Variants in NKAIN4 observed in about 807,000 individuals in gnomAD.
NKAIN4 encodes the protein sodium/potassium-transporting ATPase subunit beta-1-interacting protein 4.
NKAIN4 carries 28 observed loss-of-function variants against 28.8 expected under a neutral mutation model. The ratio of observed to expected loss-of-function variants is 0.97; its 90% CI spans 0.72 to 1.33. NKAIN4 has a LOEUF of 1.33. Ranked by LOEUF, NKAIN4 falls within the 40% of genes most tolerant of loss-of-function variation. The pLI, the probability that NKAIN4 is intolerant of heterozygous loss-of-function variation, is 0.00. For synonymous variants in NKAIN4, 122 were observed against 115.6 expected (o/e 1.06, Z -0.36); for missense variants, 289 against 277.2 (o/e 1.04, Z -0.30).
intron 1 of NKAIN4, among the ~76,000 whole-genome samples, chr20:63,250,916 C>T (rs1453340927): frequency 6.7e-6 from 1 of 149,616 alleles, no homozygotes; most frequent in Non-Finnish European, 1.5e-5. Flanking sequence ...CCCTATCCCC[C>T]ACCCCAGCCA....
chr20:63,246,637 T>C, intron 4 of NKAIN4: 11 of 985,276 alleles, frequency 1.1e-5, no homozygotes, highest in Non-Finnish European at 1.3e-5. Flanking sequence ...CCTGGTGTGT[T>C]GCGTCGACAC....
chr20:63,249,157 C>T (rs776914012), intron 2 of NKAIN4: 7 of 494,812 alleles, frequency 1.4e-5, no homozygotes, highest in African/African-American at 3.9e-5. Flanking sequence ...CGCAGGTCGG[C>T]GTACGGACAC....
chr20:63,243,032 T>C (rs1413711658), intron 5 of NKAIN4, among the ~76,000 whole-genome samples: 2 of 152,170 alleles, frequency 1.3e-5, no homozygotes, highest in African/African-American at 4.8e-5. Flanking sequence ...CCGCCCTCCG[T>C]CATGTTCAGA....
chr20:63,250,808 C>A (rs1249035375), intron 1 of NKAIN4, among the ~76,000 whole-genome samples: 1 of 152,102 alleles, frequency 6.6e-6, no homozygotes, highest in Admixed American at 6.5e-5. Context: ...CTGGCGCACT[C>A]GGCACCACCC....
chr20:63,250,207 G>T, intron 1 of NKAIN4, 135 bp from the exon 2 acceptor site: 1 of 997,174 alleles, frequency 1.0e-6, no homozygotes, highest in Non-Finnish European at 1.4e-6. Context: ...TTTGTTTGAC[G>T]AAGGACACCA....
intron 4 of NKAIN4, among the ~76,000 whole-genome samples, chr20:63,244,894 C>A (rs1024211261): frequency 6.6e-6 from 1 of 152,226 alleles, no homozygotes. Context: ...GACCCCGGAA[C>A]GAGGCAGGAA....
chr20:63,250,305 G>A (rs1200671127), intron 1 of NKAIN4, among the ~76,000 whole-genome samples: 2 of 152,150 alleles, frequency 1.3e-5, no homozygotes, highest in Non-Finnish European at 2.9e-5. Context: ...ATCCCCAAAT[G>A]AGCCTGACAG....
chr20:63,249,686 A>G (rs916948489), intron 2 of NKAIN4, among the ~76,000 whole-genome samples: 9 of 151,904 alleles, frequency 5.9e-5, no homozygotes, highest in Middle Eastern at 6.8e-3. Flanking sequence ...GAATTCGTGA[A>G]GGCGTTCAGT....
chr20:63,242,291 A>C (rs1444120795), intron 6 of NKAIN4, among the ~76,000 whole-genome samples: 1 of 151,664 alleles, frequency 6.6e-6, no homozygotes, highest in African/African-American at 2.4e-5. Context: ...ACCCCCTCCC[A>C]CAGTCTCCAT....
chr20:63,244,775 G>A (rs910182299), intron 4 of NKAIN4, among the ~76,000 whole-genome samples: 3 of 152,224 alleles, frequency 2.0e-5, no homozygotes, highest in African/African-American at 2.4e-5. Flanking sequence ...CAAAGGGGGG[G>A]CAGTGCTGCC....
At chr20:63,247,545 T>A (rs763427372) in intron 4 of NKAIN4, 33 bp downstream of exon 4, 39 of 1,542,636 alleles carry the variant, frequency 2.5e-5, no homozygotes, top group Non-Finnish European at 3.4e-5. Context: ...CATCAACCCA[T>A]CCCCACCCGG....
chr20:63,254,561 C>CCCCCCTCCGCATCCCGTTA, upstream of NKAIN4: 1 of 726,600 alleles, frequency 1.4e-6, no homozygotes, highest in Non-Finnish European at 1.9e-6. Flanking sequence ...GCATCCCGTT[C>CCCCCCTCCGCATCCCGTTA]CCCCCTCCTC....
intron 5 of NKAIN4, among the ~76,000 whole-genome samples, chr20:63,243,643 G>A (rs1240190264): frequency 1.3e-5 from 2 of 152,192 alleles, no homozygotes; most frequent in Non-Finnish European, 2.9e-5. Context: ...GCCACCGAGG[G>A]CCTGATGTGA....
At position 63,254,423 on chromosome 20, in the gene NKAIN4, G is replaced by A. The variant is rs1243648644; in HGVS notation, c.28C>T (p.Leu10Phe). The A allele has an allele frequency of 1.4e-6, 2 of 1,441,338 alleles. No homozygotes were observed. Among genetic ancestry groups the A allele is most frequent in the Admixed American group, 2.6e-5 (1 of 39,134 alleles). The allele number at this position is 1,441,338 out of a possible 1,614,324, so 89.3% of individuals were successfully genotyped here. ...AGCTGAAAAGCGCAGAGGACGACGA[G>A]CGCGCAGCGGCCGGAGCAGGAGCCC... is the stretch of plus-strand genomic sequence containing the variant. MGSCSGRCALVVLCAFQLVA... is the reference protein window; with the variant it reads MGSCSGRCAFVVLCAFQLVA... Residue 10 changes from leucine to phenylalanine, a missense_variant, in exon 1 of 7, where the codon CTC becomes TTC. Transcript: ENST00000370316.
chr20:63,248,697 T>G lies in NKAIN4; in HGVS notation c.273+118A>C, dbSNP rs553121179. On this transcript the variant is annotated intron_variant, in intron 3 of 6. Coordinates refer to ENST00000370316, the MANE Select transcript of NKAIN4 (RefSeq NM_152864.4). ...GTTCTGGGTGCTGGGGACAGAGCCA[T>G]GCACAGACTGAGCCCCTGCCTCAGA... The G allele has an allele frequency of 3.3e-4, 235 of 705,760 alleles. 1 individual carries two copies. The South Asian group carries it at 3.5e-3, about 10-fold the overall frequency. The allele number at this position is 705,760 out of a possible 1,614,324, so 43.7% of individuals were successfully genotyped here.
chr20:63,242,028 C>A (rs570548679), intron 6 of NKAIN4, among the ~76,000 whole-genome samples: 1 of 152,248 alleles, frequency 6.6e-6, no homozygotes, highest in South Asian at 2.1e-4. Context: ...GGATTGTGTA[C>A]GGGGCGGGCT....
In NKAIN4 at chr20:63,252,826, G is replaced by A. The variant is rs1453684505; in HGVS notation, c.54+1571C>T. ...CTACTGTCCACCGCAGAGGTGAAAC[G>A]GGAACATGACCCCACCCGCCCCTCT... On this transcript the variant is annotated intron_variant, in intron 1 of 6. Transcript: ENST00000370316. The surrounding 1 kb of genome is among the most constrained non-coding windows in gnomAD (Gnocchi z 4.6). Among the ~76,000 whole-genome samples, 3 of 152,106 alleles carry A rather than the reference G, an allele frequency of 2.0e-5. No homozygotes were observed. The highest frequency in any genetic ancestry group is 6.5e-5 in the Admixed American group (1 of 15,276).
rs1432881766 is a variant in NKAIN4, at chr20:63,245,454, G to A, written c.472-1370C>T. Among the ~76,000 whole-genome samples the A allele has an allele frequency of 6.6e-6, 1 of 152,002 alleles. No homozygotes were observed. Among genetic ancestry groups the A allele is most frequent in the African/African-American group, 2.4e-5 (1 of 41,378 alleles). On this transcript the variant is annotated intron_variant, in intron 4 of 6. Coordinates refer to ENST00000370316, the MANE Select transcript of NKAIN4 (RefSeq NM_152864.4). The surrounding 1 kb of genome is among the most constrained non-coding windows in gnomAD (Gnocchi z 4.7). ...TCCAGCCGGTGCCCTCCTGCCTGGG[G>A]ACCTGCAGGCCACCTCTGTCCCACA...
At chr20:63,244,720 CGCAGACACCT>C (rs1233773971) in intron 4 of NKAIN4, among the ~76,000 whole-genome samples, 3 of 152,226 alleles carry the variant, frequency 2.0e-5, no homozygotes, top group African/African-American at 7.2e-5. Flanking sequence ...CCACACACCT[CGCAGACACCT>C]GCATCCAGGG....
Sources: allele counts gnomAD v4.1 joint callset (sites outside exome capture counted in the v4.1 genomes callset), GRCh38; gene constraint gnomAD v4.1.1; non-coding constraint Gnocchi (gnomAD v3.1); transcripts MANE v1.5; gene names NCBI Gene and HGNC (gene_info 2026-07-23, HGNC 2026-07-21).